LRP1B: variants seen among roughly 807,000 people sequenced by gnomAD.
The protein encoded by LRP1B is LDL receptor related protein 1B.
Under a neutral mutation model 556.6 loss-of-function variants are expected in LRP1B, and 217 were observed. The ratio of observed to expected loss-of-function variants is 0.39; its 90% CI spans 0.35 to 0.44. LRP1B has a LOEUF of 0.44. Among genes scored for constraint, LRP1B ranks in the 20% least tolerant of loss-of-function variants. LRP1B has a pLI of 1.00. For synonymous variants in LRP1B, 2,047 were observed against 1,865.8 expected (o/e 1.10, Z -2.50); for missense variants, 5,053 against 5,620.8 (o/e 0.90, Z 3.23).
At chr2:140,846,947 G>GA (rs1225684879) in intron 29 of LRP1B, among the ~76,000 whole-genome samples, 2 of 152,152 alleles carry the variant, frequency 1.3e-5, no homozygotes, top group Non-Finnish European at 2.9e-5. Flanking sequence ...TTTCATTCTG[G>GA]AAAAAATTGA....
At chr2:140,803,262 T>G (rs926829483) in intron 32 of LRP1B, among the ~76,000 whole-genome samples, 2 of 23,288 alleles carry the variant, frequency 8.6e-5, no homozygotes, top group South Asian at 2.2e-3. Flanking sequence ...TATTGAAAGT[T>G]TTTTTTTTTT....
chr2:140,889,743 G>T (rs561105808), intron 23 of LRP1B, among the ~76,000 whole-genome samples: 1 of 152,216 alleles, frequency 6.6e-6, no homozygotes, highest in African/African-American at 2.4e-5. Context: ...CAGCTCGTAA[G>T]TGGAGGAGAA....
intron 66 of LRP1B, among the ~76,000 whole-genome samples, chr2:140,439,739 A>G (rs1382566965): frequency 6.6e-6 from 1 of 152,064 alleles, no homozygotes; most frequent in African/African-American, 2.4e-5. Flanking sequence ...ATCTATTCAA[A>G]GGCTCCTTAA....
chr2:141,856,855 G>A (rs951034667), intron 1 of LRP1B, among the ~76,000 whole-genome samples: 4 of 151,058 alleles, frequency 2.6e-5, no homozygotes, highest in South Asian at 2.1e-4. Context: ...TTTTATTCAA[G>A]TTTAAACTTG....
At position 140,706,575 on chromosome 2, in the gene LRP1B, C is replaced by T. The variant is rs532341529; in HGVS notation, c.6024-4022G>A. On this transcript the variant is annotated intron_variant, in intron 37 of 90. Transcript: ENST00000389484. The stretch of plus-strand genomic sequence containing the variant: ...TCAGAAACTGTCATAATACAAATGT[C>T]TTTATTGTCTTAACTAGACTCTAAC... 2.6e-5 allele frequency among the ~76,000 whole-genome samples: 4 copies of T among 152,190 alleles called. No individual in the cohort carries two copies. The East Asian group carries it at 5.8e-4, about 22-fold the overall frequency.
At chr2:141,191,145 CA>C (rs1465324351) in intron 6 of LRP1B, among the ~76,000 whole-genome samples, 1 of 151,958 alleles carries the variant, frequency 6.6e-6, no homozygotes, top group Non-Finnish European at 1.5e-5. Context: ...TACTCTTCAT[CA>C]TACTTAGTAT....
At chr2:141,603,728 A>C (rs1687827323) in intron 2 of LRP1B, among the ~76,000 whole-genome samples, 2 of 152,196 alleles carry the variant, frequency 1.3e-5, no homozygotes, top group Admixed American at 1.3e-4. Flanking sequence ...GTAATTGTGT[A>C]TACCATAGTT....
intron 1 of LRP1B, among the ~76,000 whole-genome samples, chr2:141,862,597 C>T (rs754309918): frequency 7.2e-5 from 11 of 152,038 alleles, no homozygotes; most frequent in Non-Finnish European, 1.3e-4. Flanking sequence ...TTAGTAGAGA[C>T]GGGGTTTCAA....
intron 71 of LRP1B, among the ~76,000 whole-genome samples, chr2:140,365,981 C>T (rs1333334927): frequency 6.6e-6 from 1 of 151,668 alleles, no homozygotes; most frequent in Non-Finnish European, 1.5e-5. Context: ...AATAACTCTT[C>T]TTGCTGTGAG....
At chr2:140,371,960 C>A (rs147745252) in intron 69 of LRP1B, among the ~76,000 whole-genome samples, 1 of 152,038 alleles carries the variant, frequency 6.6e-6, no homozygotes, top group East Asian at 1.9e-4. Flanking sequence ...GTAATATTTG[C>A]AAGTTTATAA....
At chr2:140,331,130 A>T (rs1211139485) in intron 79 of LRP1B, among the ~76,000 whole-genome samples, 2 of 152,160 alleles carry the variant, frequency 1.3e-5, no homozygotes, top group Admixed American at 1.3e-4. Flanking sequence ...GTGTATGTTC[A>T]CTGTAGCACT....
At chr2:140,259,250 C>A (rs186548439) in intron 86 of LRP1B, among the ~76,000 whole-genome samples, 93 of 152,160 alleles carry the variant, frequency 6.1e-4, no homozygotes, top group African/African-American at 2.1e-3. Context: ...CTCTTATTCT[C>A]CATCTATTTT....
intron 1 of LRP1B, among the ~76,000 whole-genome samples, chr2:142,051,135 G>GGCAGTAAA (rs1244166582): frequency 6.6e-6 from 1 of 152,066 alleles, no homozygotes; most frequent in Non-Finnish European, 1.5e-5. Flanking sequence ...GTAAAGTAGA[G>GGCAGTAAA]GAGTGTGAGG....
intron 35 of LRP1B, among the ~76,000 whole-genome samples, chr2:140,751,307 T>C (rs1399895534): frequency 6.6e-6 from 1 of 151,614 alleles, no homozygotes; most frequent in Non-Finnish European, 1.5e-5. Flanking sequence ...TTATAACTTT[T>C]TAGGCATGCA....
At chr2:141,267,202 A>G (rs543104247) in intron 3 of LRP1B, among the ~76,000 whole-genome samples, 27 of 152,324 alleles carry the variant, frequency 1.8e-4, no homozygotes, top group African/African-American at 6.0e-4. Context: ...TCAGAGAATA[A>G]ACTAAGACAC....
intron 11 of LRP1B, among the ~76,000 whole-genome samples, chr2:141,033,145 T>A (rs1416901110): frequency 6.6e-6 from 1 of 151,278 alleles, no homozygotes. Context: ...GGCCCTGAGG[T>A]GGCAAGAGGG....
At chr2:141,420,138 T>C (rs1480188441) in intron 3 of LRP1B, among the ~76,000 whole-genome samples, 1 of 152,230 alleles carries the variant, frequency 6.6e-6, no homozygotes, top group Admixed American at 6.5e-5. Context: ...ATTGTGTTAC[T>C]ATTTCTCCTT....
chr2:140,649,080 A>T (rs80098848), intron 41 of LRP1B, among the ~76,000 whole-genome samples: 6,742 of 152,190 alleles, frequency 0.044, 182 homozygotes, highest in Middle Eastern at 0.062. Flanking sequence ...GCCAATATTT[A>T]AAAGTATCTT....
chr2:140,873,786 G>T (rs757786207), intron 25 of LRP1B, among the ~76,000 whole-genome samples: 2 of 151,446 alleles, frequency 1.3e-5, no homozygotes, highest in African/African-American at 4.8e-5. Context: ...AAAGTATATT[G>T]GTAGGAAAAC....
Sources: allele counts gnomAD v4.1 joint callset (sites outside exome capture counted in the v4.1 genomes callset), GRCh38; gene constraint gnomAD v4.1.1; transcripts MANE v1.5; gene names NCBI Gene and HGNC (gene_info 2026-07-23, HGNC 2026-07-21).